PINX1: variants seen among roughly 807,000 people sequenced by gnomAD.
PINX1 encodes the protein PIN2/TERF1-interacting telomerase inhibitor 1.
In PINX1, 34 loss-of-function variants were observed where a neutral mutation model predicts 25.4. The ratio of observed to expected loss-of-function variants is 1.34; its 90% CI spans 1.02 to 1.78. The LOEUF (loss-of-function observed/expected upper bound fraction) is 1.78. Ranked by LOEUF, PINX1 falls within the 40% of genes most tolerant of loss-of-function variation. The pLI is 0.00. For missense variants in PINX1, 592 were observed against 404.9 expected (o/e 1.46, Z -3.97); for synonymous variants, 197 against 147.7 (o/e 1.33, Z -2.42).
intron 1 of PINX1, among the ~76,000 whole-genome samples, chr8:10,838,551 C>T (rs1051783838): frequency 6.6e-6 from 1 of 152,186 alleles, no homozygotes; most frequent in Non-Finnish European, 1.5e-5. Context: ...AAGGAACAGA[C>T]ATAAATGAAT....
rs117819668 is a variant in PINX1, at chr8:10,805,315, G to C, written c.471+14878C>G. ...ATAACAACCAGCATGTATTTATGGA[G>C]GTTCAGAGCACTTTCTGCAACCCAC... On this transcript the variant is annotated intron_variant, in intron 6 of 6. Coordinates refer to ENST00000314787, the MANE Select transcript of PINX1 (RefSeq NM_017884.6). 1.0e-3 allele frequency among the ~76,000 whole-genome samples: 157 copies of C among 152,372 alleles called. 2 individuals carry two copies. The East Asian group carries it at 0.027, about 26-fold the overall frequency.
At chr8:10,804,087 CCT>C (rs2129080611) in intron 6 of PINX1, among the ~76,000 whole-genome samples, 1 of 152,292 alleles carries the variant, frequency 6.6e-6, no homozygotes, top group African/African-American at 2.4e-5. Context: ...AAAGCCATGG[CCT>C]CTGTCATATG....
At chr8:10,789,470 G>A (rs114076399) in intron 6 of PINX1, among the ~76,000 whole-genome samples, 11 of 152,292 alleles carry the variant, frequency 7.2e-5, no homozygotes, top group African/African-American at 1.9e-4. Flanking sequence ...CAAATTTCGA[G>A]TACACAGTGT....
chr8:10,793,634 C>T (rs759376258), intron 6 of PINX1, among the ~76,000 whole-genome samples: 1 of 151,988 alleles, frequency 6.6e-6, no homozygotes, highest in Non-Finnish European at 1.5e-5. Context: ...AGAAAGGACA[C>T]AGACGTCCGC....
At chr8:10,795,339 T>A (rs1435616090) in intron 6 of PINX1, among the ~76,000 whole-genome samples, 4 of 152,076 alleles carry the variant, frequency 2.6e-5, no homozygotes, top group Non-Finnish European at 5.9e-5. Flanking sequence ...GCAGAAAGGG[T>A]CCTTTCTAAA....
In PINX1 at chr8:10,815,922, C is replaced by T. The variant is rs556466882; in HGVS notation, c.471+4271G>A. ...GGAAGTAGATCATGGAAACGACAAT[C>T]GGCCTTTAGCACTGGGTAGTGACCC... On this transcript the variant is annotated intron_variant, in intron 6 of 6. Coordinates refer to ENST00000314787, the MANE Select transcript of PINX1 (RefSeq NM_017884.6). 2.0e-5 allele frequency among the ~76,000 whole-genome samples: 3 copies of T among 152,318 alleles called. No individual in the cohort carries two copies. The East Asian group carries it at 5.8e-4, about 29-fold the overall frequency.
chr8:10,836,686 TG>T (rs33957898), intron 1 of PINX1, among the ~76,000 whole-genome samples: 1 of 103,390 alleles, frequency 9.7e-6, no homozygotes, highest in African/African-American at 3.8e-5. Flanking sequence ...ACAAGGATGT[TG>T]GGGGGGCGGG....
chr8:10,797,597 A>C (rs547046663), intron 6 of PINX1, among the ~76,000 whole-genome samples: 1 of 152,368 alleles, frequency 6.6e-6, no homozygotes, highest in Non-Finnish European at 1.5e-5. Context: ...CAAAATAAAA[A>C]GAGGACCCCT....
chr8:10,791,804 C>T (rs963057176), intron 6 of PINX1, among the ~76,000 whole-genome samples: 2 of 152,162 alleles, frequency 1.3e-5, no homozygotes. Context: ...CAGCACTGCG[C>T]GAGGCAAAGG....
chr8:10,831,931 G>C (rs1208572726), intron 3 of PINX1, among the ~76,000 whole-genome samples, 188 bp from the exon 4 acceptor site: 1 of 152,152 alleles, frequency 6.6e-6, no homozygotes. Context: ...CTTTATCCAG[G>C]TCAATATTAA....
chr8:10,826,702 G>C (rs1798060855), intron 4 of PINX1, among the ~76,000 whole-genome samples: 1 of 152,116 alleles, frequency 6.6e-6, no homozygotes, highest in South Asian at 2.1e-4. Flanking sequence ...CACCGCAATG[G>C]CCAAAACAAA....
intron 1 of PINX1, among the ~76,000 whole-genome samples, chr8:10,836,957 C>T (rs1445843090): frequency 1.3e-5 from 2 of 151,244 alleles, no homozygotes; most frequent in African/African-American, 4.9e-5. Context: ...AATTGGATCA[C>T]CTTTTACATG....
chr8:10,812,514 A>G (rs1216222521), intron 6 of PINX1, among the ~76,000 whole-genome samples: 1 of 152,214 alleles, frequency 6.6e-6, no homozygotes, highest in African/African-American at 2.4e-5. Flanking sequence ...CTGCCAGCCC[A>G]TGCAGGCTGC....
chr8:10,813,821 A>G (rs1797610478), intron 6 of PINX1, among the ~76,000 whole-genome samples: 1 of 150,694 alleles, frequency 6.6e-6, no homozygotes, highest in South Asian at 2.1e-4. Flanking sequence ...CTGGTTTCGG[A>G]GTATTTTCTC....
chr8:10,829,920 G>T (rs1462014013), intron 4 of PINX1, among the ~76,000 whole-genome samples: 1 of 152,120 alleles, frequency 6.6e-6, no homozygotes, highest in East Asian at 1.9e-4. Context: ...CCGACCTCAG[G>T]TGATCCGCCC....
chr8:10,828,431 A>T (rs543274027), intron 4 of PINX1, among the ~76,000 whole-genome samples: 1 of 152,124 alleles, frequency 6.6e-6, no homozygotes, highest in African/African-American at 2.4e-5. Context: ...GCCACTCCAT[A>T]AGAGAGCTGC....
intron 6 of PINX1, among the ~76,000 whole-genome samples, chr8:10,799,229 A>G (rs55637012): frequency 6.6e-6 from 1 of 151,968 alleles, no homozygotes; most frequent in East Asian, 1.9e-4. Flanking sequence ...TATTATAAAC[A>G]TAAACTTATG....
intron 6 of PINX1, among the ~76,000 whole-genome samples, chr8:10,800,229 G>C (rs1281287695): frequency 2.0e-5 from 3 of 152,202 alleles, no homozygotes; most frequent in Non-Finnish European, 2.9e-5. Context: ...TTATTCTTAA[G>C]GATTCATGAA....
chr8:10,838,701 G>A (rs1211050712), intron 1 of PINX1, among the ~76,000 whole-genome samples: 3 of 152,116 alleles, frequency 2.0e-5, no homozygotes, highest in Admixed American at 6.5e-5. Flanking sequence ...AGAACCGACG[G>A]GTTCAGTCTA....
Sources: allele counts gnomAD v4.1 joint callset (sites outside exome capture counted in the v4.1 genomes callset), GRCh38; gene constraint gnomAD v4.1.1; transcripts MANE v1.5; gene names NCBI Gene and HGNC (gene_info 2026-07-23, HGNC 2026-07-21).